Variants in CASZ1 observed in about 807,000 individuals in gnomAD.
CASZ1 encodes zinc finger protein castor homolog 1.
A neutral mutation model predicts 135.2 loss-of-function variants in CASZ1; 28 were observed. The observed-to-expected ratio is 0.21, with a 90% CI of 0.15 to 0.28. The LOEUF is 0.28. Ranked by LOEUF, CASZ1 falls within the 10% of genes least tolerant of loss-of-function variation. The pLI is 1.00. For synonymous variants in CASZ1, 1,068 were observed against 1,073.4 expected (o/e 0.99, Z 0.10); for missense variants, 2,161 against 2,453.3 (o/e 0.88, Z 2.52).
In CASZ1 at chr1:10,707,073, G is replaced by A. The variant is rs959681138; in HGVS notation, c.-76-1529C>T. Among the ~76,000 whole-genome samples the A allele has an allele frequency of 6.6e-6, 1 of 152,018 alleles. No homozygotes were observed. The highest frequency in any genetic ancestry group is 1.9e-4 in the East Asian group (1 of 5,176). The stretch of plus-strand genomic sequence containing the variant: ...AGCCATCAGAGCTCGAGTCCTGGCC[G>A]GTCAGCCCAGGGCCCTGGCTGGGGT... On this transcript the variant is annotated intron_variant, in intron 2 of 20. Transcript: ENST00000377022. This position sits in a 1 kb window ranked among gnomAD's most constrained non-coding sequence, Gnocchi z 5.0.
intron 2 of CASZ1, among the ~76,000 whole-genome samples, chr1:10,722,011 G>T (rs1639505483): frequency 1.3e-5 from 2 of 152,252 alleles, no homozygotes; most frequent in Non-Finnish European, 2.9e-5. Context: ...AGGCACAGCA[G>T]AGCATCTGCT....
chr1:10,733,230 C>T (rs1639734160), intron 2 of CASZ1, among the ~76,000 whole-genome samples: 2 of 152,180 alleles, frequency 1.3e-5, no homozygotes, highest in Admixed American at 6.5e-5. Flanking sequence ...TCATTTCACA[C>T]CCAGAGTCCC....
At chr1:10,696,257 C>A (rs568747815) in intron 3 of CASZ1, among the ~76,000 whole-genome samples, 40 of 152,288 alleles carry the variant, frequency 2.6e-4, no homozygotes, top group African/African-American at 8.9e-4. Context: ...GCCTTCCTGG[C>A]AGTCCCCACT....
intron 2 of CASZ1, among the ~76,000 whole-genome samples, chr1:10,708,592 T>C (rs1639221900): frequency 6.6e-6 from 1 of 152,196 alleles, no homozygotes; most frequent in Non-Finnish European, 1.5e-5. Flanking sequence ...ATCTCATCCC[T>C]GGGGCCTGCT....
Position 10,694,361 on chromosome 1 carries a change from C to T in CASZ1, c.-23-449G>A. On this transcript the variant is annotated intron_variant, in intron 3 of 20. Coordinates refer to ENST00000377022, the MANE Select transcript of CASZ1 (RefSeq NM_001079843.3). The surrounding 1 kb of genome is among the most constrained non-coding windows in gnomAD (Gnocchi z 6.6). ...CAACTTTCATAATACTTAATTAATGCCTAATTGCAACTGATTACTCCCCGA... is the reference window on the plus strand; with the variant it reads ...CAACTTTCATAATACTTAATTAATGTCTAATTGCAACTGATTACTCCCCGA... 1 of 1,121,128 alleles carries T rather than the reference C, an allele frequency of 8.9e-7. No homozygotes were observed. Among genetic ancestry groups the T allele is most frequent in the Non-Finnish European group, 1.1e-6 (1 of 889,846 alleles). 69.4% of individuals were successfully genotyped at this position (1,121,128 alleles called of 1,614,324 possible).
rs1329883091 is a variant in CASZ1, at chr1:10,717,274, C to T, written c.-76-11730G>A. ...CGGAACCCACTCACCCCACCCCCAG[C>T]CTCTGCAGCTCCCCAGTTCCCCAAA... On this transcript the variant is annotated intron_variant, in intron 2 of 20. Coordinates refer to ENST00000377022, the MANE Select transcript of CASZ1 (RefSeq NM_001079843.3). The surrounding 1 kb of genome is among the most constrained non-coding windows in gnomAD (Gnocchi z 4.6). Among the ~76,000 whole-genome samples, 1 of 152,208 alleles carries T rather than the reference C, an allele frequency of 6.6e-6. No homozygotes were observed. The highest frequency in any genetic ancestry group is 1.5e-5 in the Non-Finnish European group (1 of 68,036).
At chr1:10,787,806 C>T (rs1008276498) in intron 1 of CASZ1, among the ~76,000 whole-genome samples, 10 of 152,110 alleles carry the variant, frequency 6.6e-5, no homozygotes, top group African/African-American at 2.2e-4. Context: ...AAGCAGAATC[C>T]ACCCGCCATT....
intron 2 of CASZ1, among the ~76,000 whole-genome samples, chr1:10,748,918 G>A (rs982333356): frequency 2.0e-5 from 3 of 152,204 alleles, no homozygotes; most frequent in South Asian, 2.1e-4. Flanking sequence ...ACATCGCCAC[G>A]TCAGTCTGGT....
rs1640261117 is a variant in CASZ1, at chr1:10,756,544, CA to C, written c.-77+4156del. Among the ~76,000 whole-genome samples, 1 of 152,220 alleles carries C rather than the reference CA, an allele frequency of 6.6e-6. No homozygotes were observed. The highest frequency in any genetic ancestry group is 1.5e-5 in the Non-Finnish European group (1 of 68,038). ...TGCCCAGGGCGGCATGGGGCCTGTC[CA>C]GGGGCGCTGGGGATCACTGCTATCA... On this transcript the variant is annotated intron_variant, in intron 2 of 20. Transcript: ENST00000377022. This position sits in a 1 kb window ranked among gnomAD's most constrained non-coding sequence, Gnocchi z 5.9.
chr1:10,680,234 G>A (rs973483947), intron 4 of CASZ1, among the ~76,000 whole-genome samples: 5 of 148,022 alleles, frequency 3.4e-5, no homozygotes, highest in African/African-American at 7.4e-5. Flanking sequence ...AAGGCCTTAC[G>A]ATGCTGCCGG....
intron 1 of CASZ1, among the ~76,000 whole-genome samples, chr1:10,778,033 TCA>T (rs1010830891): frequency 8.0e-5 from 12 of 150,536 alleles, no homozygotes; most frequent in African/African-American, 2.9e-4. Flanking sequence ...TCACACACAA[TCA>T]CACACAATCA....
Position 10,725,591 on chromosome 1 carries a change from C to T in CASZ1, c.-76-20047G>A, listed in dbSNP as rs1245528149. Among the ~76,000 whole-genome samples the T allele has an allele frequency of 1.3e-5, 2 of 152,234 alleles. No homozygotes were observed. Among genetic ancestry groups the T allele is most frequent in the Non-Finnish European group, 2.9e-5 (2 of 68,046 alleles). ...TTGTAAGTAATTTTTAGGTAATCCACTCCAGATTTTGATATTAACCTTTGA... is the reference window on the plus strand; with the variant it reads ...TTGTAAGTAATTTTTAGGTAATCCATTCCAGATTTTGATATTAACCTTTGA... On this transcript the variant is annotated intron_variant, in intron 2 of 20. Transcript: ENST00000377022. The surrounding 1 kb of genome is among the most constrained non-coding windows in gnomAD (Gnocchi z 4.4).
chr1:10,707,332 C>T lies in CASZ1; in HGVS notation c.-76-1788G>A, dbSNP rs1204333479. On this transcript the variant is annotated intron_variant, in intron 2 of 20. Coordinates refer to ENST00000377022, the MANE Select transcript of CASZ1 (RefSeq NM_001079843.3). This position sits in a 1 kb window ranked among gnomAD's most constrained non-coding sequence, Gnocchi z 5.0. ...TTAAACAGACTGACCGGAATGATAA[C>T]GACTTGCAGCGCGGTGTTGCCGTCC... Among the ~76,000 whole-genome samples the T allele has an allele frequency of 6.6e-6, 1 of 152,200 alleles. No homozygotes were observed. The highest frequency in any genetic ancestry group is 6.5e-5 in the Admixed American group (1 of 15,284).
At position 10,749,634 on chromosome 1, in the gene CASZ1, C is replaced by A. The variant is rs562411754; in HGVS notation, c.-77+11067G>T. 6.6e-5 allele frequency among the ~76,000 whole-genome samples: 10 copies of A among 152,154 alleles called. No homozygotes were observed. In the South Asian group the frequency reaches 1.2e-3, roughly 19 times the overall value. On this transcript the variant is annotated intron_variant, in intron 2 of 20. Coordinates refer to ENST00000377022, the MANE Select transcript of CASZ1 (RefSeq NM_001079843.3). The stretch of plus-strand genomic sequence containing the variant: ...CCCAGACAGCCCCGAATGGACCAGG[C>A]GAATACGGAGACTCTTGTAGCAGGA...
chr1:10,789,365 C>T (rs1482880329), intron 1 of CASZ1, among the ~76,000 whole-genome samples: 2 of 151,238 alleles, frequency 1.3e-5, no homozygotes, highest in African/African-American at 2.4e-5. Flanking sequence ...CTGCCTGCCC[C>T]CCGCACCCCC....
chr1:10,760,309 G>C (rs908468948), intron 2 of CASZ1, among the ~76,000 whole-genome samples: 2 of 152,344 alleles, frequency 1.3e-5, no homozygotes, highest in East Asian at 3.9e-4. Context: ...CTTAGATCTG[G>C]GAGTGGCATC....
At chr1:10,708,913 C>T (rs540173442) in intron 2 of CASZ1, among the ~76,000 whole-genome samples, 57 of 137,356 alleles carry the variant, frequency 4.1e-4, no homozygotes, top group Non-Finnish European at 7.3e-4. Context: ...GCTCCTCCGG[C>T]ACAAGAGGTG....
Position 10,700,265 on chromosome 1 carries a change from C to G in CASZ1, c.-24+5227G>C, listed in dbSNP as rs1035955533. On this transcript the variant is annotated intron_variant, in intron 3 of 20. Transcript: ENST00000377022. This position sits in a 1 kb window ranked among gnomAD's most constrained non-coding sequence, Gnocchi z 4.2. ...ATCAGCTGCAGAAGATATGGGATTT[C>G]TCATTTTAAGCTCTGAAACCACTTA... Among the ~76,000 whole-genome samples, 2 of 152,190 alleles carry G rather than the reference C, an allele frequency of 1.3e-5. No homozygotes were observed. The highest frequency in any genetic ancestry group is 3.9e-4 in the East Asian group (2 of 5,192).
Position 10,767,612 on chromosome 1 carries a change from C to T in CASZ1, c.-233-6755G>A, listed in dbSNP as rs1450499815. 1.3e-5 allele frequency among the ~76,000 whole-genome samples: 2 copies of T among 152,176 alleles called. No individual in the cohort carries two copies. ...GTGGCTCAGCCCTTTCTGCCATCGA[C>T]CACCCAAAGTCATTCAGATATTTCC... On this transcript the variant is annotated intron_variant, in intron 1 of 20. Transcript: ENST00000377022. The surrounding 1 kb of genome is among the most constrained non-coding windows in gnomAD (Gnocchi z 4.2).
Sources: gnomAD v4.1 joint callset for allele counts (sites outside exome capture counted in the v4.1 genomes callset) on GRCh38, gnomAD v4.1.1 for gene constraint, Gnocchi (gnomAD v3.1) non-coding constraint, MANE v1.5 for transcripts, NCBI Gene and HGNC (gene_info 2026-07-23, HGNC 2026-07-21) for gene names.